Variants in ADAT2 observed in about 807,000 individuals in gnomAD.
ADAT2 encodes the protein tRNA-specific adenosine-34 deaminase catalytic subunit ADAT2.
A neutral mutation model predicts 25.9 loss-of-function variants in ADAT2; 26 were observed. The observed-to-expected ratio is 1.00, with a 90% CI of 0.74 to 1.39. The LOEUF (loss-of-function observed/expected upper bound fraction) is 1.39. Ranked by LOEUF, ADAT2 falls within the 40% of genes most tolerant of loss-of-function variation. The pLI is 0.00. For missense variants in ADAT2, 220 were observed against 244.8 expected, an observed-to-expected ratio of 0.90 and a Z score of 0.68; for synonymous variants, 76 against 86.8, an observed-to-expected ratio of 0.88 and a Z score of 0.69.
In ADAT2 at chr6:143,432,512, G is replaced by C; in HGVS notation, c.452C>G (p.Pro151Arg). 1 of 1,613,652 alleles carries C rather than the reference G, an allele frequency of 6.2e-7. No homozygotes were observed. Among genetic ancestry groups the C allele is most frequent in the Non-Finnish European group, 8.5e-7 (1 of 1,179,534 alleles). ...ASADLPNTGR[P>R]FQCIPGYRAE... ...ATAAGCAGTTTGTATTACCTGAAAT[G>C]GTCTCCCAGTGTTTGGTAGGTCAGC... Residue 151 changes from proline (P) to arginine (R), a missense_variant, in exon 4 of 6, where the codon CCA (proline) becomes CGA (arginine). Coordinates refer to ENST00000237283, the MANE Select transcript of ADAT2 (RefSeq NM_182503.3). The surrounding 1 kb of genome is among the most constrained non-coding windows in gnomAD (Gnocchi z 4.4).
rs1000279571 is a variant in ADAT2, at chr6:143,433,866, G to A, written c.317C>T (p.Pro106Leu). ...EHTVLYVTVEPCIMCAAALRL... is the reference protein window; with the variant it reads ...EHTVLYVTVELCIMCAAALRL... ...GAGAGCAGCTGCACACATAATGCAC[G>A]GCTCCACAGTGACATACAACACAGT... is the stretch of plus-strand genomic sequence containing the variant. The change falls in exon 3 of 6, where the codon CCG becomes CTG. Residue 106 changes from proline (P) to leucine (L), a missense_variant. Physicochemically the swap from Pro to Leu is moderately conservative, Grantham distance 98 (BLOSUM62 -3). Coordinates refer to ENST00000237283, the MANE Select transcript of ADAT2 (RefSeq NM_182503.3). 4 of 1,613,990 alleles carry A rather than the reference G, an allele frequency of 2.5e-6. No homozygotes were observed. Among genetic ancestry groups the A allele is most frequent in the Non-Finnish European group, 3.4e-6 (4 of 1,179,984 alleles).
rs1562639069 is a variant in ADAT2, at chr6:143,434,309, G to C, written c.202-328C>G. On this transcript the variant is annotated intron_variant, in intron 2 of 5. Transcript: ENST00000237283. This position sits in a 1 kb window ranked among gnomAD's most constrained non-coding sequence, Gnocchi z 4.5. Reference sequence around the variant, plus strand: ...ACAAAGAAAAAAAGATAAAGTCTATGGTTTCTGAATATTTCAGGGGAAGCA... The same window carrying C: ...ACAAAGAAAAAAAGATAAAGTCTATCGTTTCTGAATATTTCAGGGGAAGCA... Among the ~76,000 whole-genome samples, 1 of 152,134 alleles carries C rather than the reference G, an allele frequency of 6.6e-6. No homozygotes were observed. Among genetic ancestry groups the C allele is most frequent in the African/African-American group, 2.4e-5 (1 of 41,434 alleles).
chr6:143,427,132 C>CAT lies in ADAT2; in HGVS notation c.*1330_*1331insAT, dbSNP rs1236314875. On this transcript the variant is annotated 3_prime_UTR_variant, in exon 6 of 6. Coordinates refer to ENST00000237283, the MANE Select transcript of ADAT2 (RefSeq NM_182503.3). ...ACACACACACACACACACACACACA[C>CAT]ACAAAACCAAGCAATTATAAGTCCT... 6.6e-6 allele frequency: 1 copy of CAT among 152,092 alleles called. No individual in the cohort carries two copies. Among genetic ancestry groups the CAT allele is most frequent in the East Asian group, 1.9e-4 (1 of 5,192 alleles). 9.4% of individuals were successfully genotyped at this position (152,092 alleles called of 1,614,324 possible). A position where few individuals can be genotyped will look rare whatever the true frequency, so the allele number is the denominator to read the frequency against.
chr6:143,441,304 T>C (rs924287497), intron 1 of ADAT2: 1 of 152,224 alleles, frequency 6.6e-6, no homozygotes, highest in South Asian at 2.1e-4. Flanking sequence ...ATCTAGACTA[T>C]ATAAAGGACT....
intron 4 of ADAT2, among the ~76,000 whole-genome samples, chr6:143,431,126 T>TA (rs1426845764): frequency 1.3e-5 from 2 of 152,120 alleles, no homozygotes; most frequent in Non-Finnish European, 2.9e-5. Flanking sequence ...AAAGCACCTT[T>TA]AAAAAAACCA....
At position 143,444,297 on chromosome 6, in the gene ADAT2, G is replaced by A. The variant is rs539394876; in HGVS notation, c.97-5603C>T. ...ATAACGTCATTGTTGAGGAATGGCCGAGCCTGCCATGCTGAGGATGAGTGG... is the reference window on the plus strand; with the variant it reads ...ATAACGTCATTGTTGAGGAATGGCCAAGCCTGCCATGCTGAGGATGAGTGG... On this transcript the variant is annotated intron_variant, in intron 1 of 5. Transcript: ENST00000237283. This position sits in a 1 kb window ranked among gnomAD's most constrained non-coding sequence, Gnocchi z 4.3. Among the ~76,000 whole-genome samples, 122 of 152,260 alleles carry A rather than the reference G, an allele frequency of 8.0e-4. No individual in the cohort carries two copies. Among genetic ancestry groups the A allele is most frequent in the Non-Finnish European group, 1.3e-3 (87 of 68,034 alleles).
At position 143,444,758 on chromosome 6, in the gene ADAT2, T is replaced by C. The variant is rs901841721; in HGVS notation, c.96+5805A>G. 1.7e-5 allele frequency: 4 copies of C among 241,340 alleles called. No individual in the cohort carries two copies. The highest frequency in any genetic ancestry group is 5.7e-5 in the Admixed American group (1 of 17,448). The allele number at this position is 241,340 out of a possible 1,614,324, so 14.9% of individuals were successfully genotyped here. On this transcript the variant is annotated intron_variant, in intron 1 of 5. Transcript: ENST00000237283. This position sits in a 1 kb window ranked among gnomAD's most constrained non-coding sequence, Gnocchi z 4.3. ...AGCCCAAACACTGGTCTCTATTTTG[T>C]CCTTGAATATAATTTCTTTTTTTTC...
chr6:143,438,655 A>G lies in ADAT2; in HGVS notation c.136T>C (p.Cys46Arg). The part of the protein sequence containing the change: ...ALENTEVPVG[C>R]LMVYNNEVVG... ...ACTTCATTGTTGTAGACCATAAGAC[A>G]GCCAACAGGAACTTCAGTATTTTCG... is the stretch of plus-strand genomic sequence containing the variant. The change falls in exon 2 of 6, where the codon TGT becomes CGT. Residue 46 changes from cysteine to arginine, a missense_variant. Coordinates refer to ENST00000237283, the MANE Select transcript of ADAT2 (RefSeq NM_182503.3). The G allele has an allele frequency of 6.2e-7, 1 of 1,613,562 alleles. No individual in the cohort carries two copies. Among genetic ancestry groups the G allele is most frequent in the African/African-American group, 1.3e-5 (1 of 75,030 alleles).
rs1779196882 is a variant in ADAT2, at chr6:143,434,082, T to C, written c.202-101A>G. 7.0e-7 allele frequency: 1 copy of C among 1,423,282 alleles called. No individual in the cohort carries two copies. Among genetic ancestry groups the C allele is most frequent in the Non-Finnish European group, 9.6e-7 (1 of 1,042,604 alleles). 88.2% of individuals were successfully genotyped at this position (1,423,282 alleles called of 1,614,324 possible). On this transcript the variant is annotated intron_variant, in intron 2 of 5. Coordinates refer to ENST00000237283, the MANE Select transcript of ADAT2 (RefSeq NM_182503.3). This position sits in a 1 kb window ranked among gnomAD's most constrained non-coding sequence, Gnocchi z 4.5. ...GTACAAAATATGCGCCTATCCTTTC[T>C]GCCAATATTTTAATGAATACAGTTT...
Position 143,438,708 on chromosome 6 carries a change from T to C in ADAT2, c.97-14A>G. 1.9e-6 allele frequency: 3 copies of C among 1,604,116 alleles called. No individual in the cohort carries two copies. Among genetic ancestry groups the C allele is most frequent in the African/African-American group, 1.3e-5 (1 of 74,716 alleles). Reference sequence around the variant, plus strand: ...GGCTTCTTTGGCCTGAAACACAAAGTGGAAAATGTAAGACGTAATACTCCA... The same window carrying C: ...GGCTTCTTTGGCCTGAAACACAAAGCGGAAAATGTAAGACGTAATACTCCA... On this transcript the variant is annotated splice_polypyrimidine_tract_variant and intron_variant, in intron 1 of 5. Coordinates refer to ENST00000237283, the MANE Select transcript of ADAT2 (RefSeq NM_182503.3).
At position 143,434,883 on chromosome 6, in the gene ADAT2, C is replaced by G. The variant is rs912295800; in HGVS notation, c.202-902G>C. On this transcript the variant is annotated intron_variant, in intron 2 of 5. Coordinates refer to ENST00000237283, the MANE Select transcript of ADAT2 (RefSeq NM_182503.3). The surrounding 1 kb of genome is among the most constrained non-coding windows in gnomAD (Gnocchi z 4.5). ...ATTTACACTGAGTATTAACCATGCA[C>G]AAGCCACTGGGCTAAATAAATTCTG... is the stretch of plus-strand genomic sequence containing the variant. Among the ~76,000 whole-genome samples, 3 of 152,134 alleles carry G rather than the reference C, an allele frequency of 2.0e-5. No individual in the cohort carries two copies. The highest frequency in any genetic ancestry group is 2.4e-5 in the African/African-American group (1 of 41,416).
Position 143,427,932 on chromosome 6 carries a change from T to C in ADAT2, c.*531A>G, listed in dbSNP as rs1778987862. On this transcript the variant is annotated 3_prime_UTR_variant, in exon 6 of 6. Coordinates refer to ENST00000237283, the MANE Select transcript of ADAT2 (RefSeq NM_182503.3). Reference sequence around the variant, plus strand: ...TAAATGCTTTATAAAAGCAAAGTCTTTTCTAAGGACCATATAATTATGGTC... The same window carrying C: ...TAAATGCTTTATAAAAGCAAAGTCTCTTCTAAGGACCATATAATTATGGTC... 6.6e-6 allele frequency: 1 copy of C among 152,378 alleles called. No individual in the cohort carries two copies. Among genetic ancestry groups the C allele is most frequent in the African/African-American group, 2.4e-5 (1 of 41,452 alleles). The allele number at this position is 152,378 out of a possible 1,614,324, so 9.4% of individuals were successfully genotyped here. A position where few individuals can be genotyped will look rare whatever the true frequency, so the allele number is the denominator to read the frequency against.
At position 143,444,981 on chromosome 6, in the gene ADAT2, A is replaced by G; in HGVS notation, c.96+5582T>C. Reference sequence around the variant, plus strand: ...TAAAGAAATATTTCCTATAAAGACAAAAAATTAGGGGGAACAAACAAGTTA... The same window carrying G: ...TAAAGAAATATTTCCTATAAAGACAGAAAATTAGGGGGAACAAACAAGTTA... On this transcript the variant is annotated intron_variant, in intron 1 of 5. Transcript: ENST00000237283. The surrounding 1 kb of genome is among the most constrained non-coding windows in gnomAD (Gnocchi z 4.3). The G allele has an allele frequency of 2.3e-6, 3 of 1,302,594 alleles. No homozygotes were observed. Among genetic ancestry groups the G allele is most frequent in the Non-Finnish European group, 3.0e-6 (3 of 987,798 alleles). The allele number at this position is 1,302,594 out of a possible 1,614,324, so 80.7% of individuals were successfully genotyped here.
At position 143,428,296 on chromosome 6, in the gene ADAT2, T is replaced by C; in HGVS notation, c.*167A>G. The C allele has an allele frequency of 1.4e-6, 1 of 695,752 alleles. No homozygotes were observed. Among genetic ancestry groups the C allele is most frequent in the African/African-American group, 1.8e-5 (1 of 55,448 alleles). 43.1% of individuals were successfully genotyped at this position (695,752 alleles called of 1,614,324 possible). The stretch of plus-strand genomic sequence containing the variant: ...TAACTGTTTACAATTGTCAGACTTC[T>C]AAAAAGTGCTAATTTGTTCCCTTAA... On this transcript the variant is annotated 3_prime_UTR_variant, in exon 6 of 6. Transcript: ENST00000237283. This position sits in a 1 kb window ranked among gnomAD's most constrained non-coding sequence, Gnocchi z 5.0.
At chr6:143,429,476 T>A (rs771454368) in intron 4 of ADAT2, among the ~76,000 whole-genome samples, 38 of 152,198 alleles carry the variant, frequency 2.5e-4, no homozygotes, top group Admixed American at 5.9e-4. Context: ...TATGAAATAT[T>A]ACCTGAAGAA....
At chr6:143,433,716 T>C (rs1191236313) in intron 3 of ADAT2, 115 bp downstream of exon 3, 34 of 1,129,502 alleles carry the variant, frequency 3.0e-5, no homozygotes, top group African/African-American at 4.7e-5. Context: ...CACTATATTT[T>C]ACAAGGTGTT....
rs776382750 is a variant in ADAT2 at position 143,428,439 on chromosome 6, C to G, written c.*24G>C. ...ATCTTGTCCAGGTCACTTTGGGTCA[C>G]TTGGTTCTTTCATCAGAACATGTTC... On this transcript the variant is annotated 3_prime_UTR_variant, in exon 6 of 6. Transcript: ENST00000237283. The surrounding 1 kb of genome is among the most constrained non-coding windows in gnomAD (Gnocchi z 5.0). The G allele has an allele frequency of 1.2e-6, 2 of 1,611,766 alleles. No individual in the cohort carries two copies. The highest frequency in any genetic ancestry group is 3.3e-5 in the Admixed American group (2 of 59,918).
At chr6:143,431,187 T>C (rs944318010) in intron 4 of ADAT2, among the ~76,000 whole-genome samples, 1 of 152,266 alleles carries the variant, frequency 6.6e-6, no homozygotes, top group African/African-American at 2.4e-5. Flanking sequence ...GGCATTGATT[T>C]GCAGCTGAGC....
At chr6:143,447,006 TATG>T (rs1779619744) in intron 1 of ADAT2, among the ~76,000 whole-genome samples, 1 of 152,216 alleles carries the variant, frequency 6.6e-6, no homozygotes, top group African/African-American at 2.4e-5. Context: ...AATGATAACC[TATG>T]ATGATGCTAT....
Sources: gnomAD v4.1 joint callset for allele counts (sites outside exome capture counted in the v4.1 genomes callset) on GRCh38, gnomAD v4.1.1 for gene constraint, Gnocchi (gnomAD v3.1) non-coding constraint, MANE v1.5 for transcripts, NCBI Gene and HGNC (gene_info 2026-07-23, HGNC 2026-07-21) for gene names.